SRPK2: variants seen among roughly 807,000 people sequenced by gnomAD.
The protein encoded by SRPK2 is SRSF protein kinase 2.
In SRPK2, 21 loss-of-function variants were observed where a neutral mutation model predicts 90.8. The ratio of observed to expected loss-of-function variants is 0.23; its 90% CI spans 0.16 to 0.33. The LOEUF (loss-of-function observed/expected upper bound fraction) is 0.33, where lower values mean the gene tolerates loss of function less well. Among genes scored for constraint, SRPK2 ranks in the 10% least tolerant of loss-of-function variants. The pLI is 1.00. For synonymous variants in SRPK2, 288 were observed against 311.1 expected (o/e 0.93, Z 0.78); for missense variants, 620 against 869.0 (o/e 0.71, Z 3.60).
intron 2 of SRPK2, among the ~76,000 whole-genome samples, chr7:105,335,280 A>C (rs1157669421): frequency 6.6e-6 from 1 of 152,252 alleles, no homozygotes; most frequent in African/African-American, 2.4e-5. Context: ...CCACAAGATA[A>C]TAAAGCAAAC....
rs1297479832 is a variant in SRPK2, at chr7:105,350,247, T to A, written c.71+38401A>T. Among the ~76,000 whole-genome samples, 3 of 147,966 alleles carry A rather than the reference T, an allele frequency of 2.0e-5. 1 individual carries two copies. The highest frequency in any genetic ancestry group is 4.5e-5 in the Non-Finnish European group (3 of 66,710). ...CCCTGTTTTAGGTAATTCTCCAGCC[T>A]CAGCCACCCGAGTAGCTGGGATTAT... is the stretch of plus-strand genomic sequence containing the variant. On this transcript the variant is annotated intron_variant, in intron 2 of 15. Transcript: ENST00000393651.
downstream of SRPK2, among the ~76,000 whole-genome samples, chr7:105,114,909 T>C (rs1799541440): frequency 6.6e-6 from 1 of 152,236 alleles, no homozygotes; most frequent in African/African-American, 2.4e-5. Flanking sequence ...ATTTATGGTA[T>C]TTAGTAAAGA....
rs932652939 is a variant in SRPK2 at position 105,367,549 on chromosome 7, G to C, written c.71+21099C>G. On this transcript the variant is annotated intron_variant, in intron 2 of 15. Transcript: ENST00000393651. ...AAGAGCTGGGATTACTGGCATGAGT[G>C]ACCACACCTGGCCAGTTACAGGGCA... is the stretch of plus-strand genomic sequence containing the variant. Among the ~76,000 whole-genome samples, 14 of 152,008 alleles carry C rather than the reference G, an allele frequency of 9.2e-5. No individual in the cohort carries two copies. In the East Asian group the frequency reaches 2.7e-3, roughly 29 times the overall value.
chr7:105,167,566 A>T (rs753131619), intron 5 of SRPK2, 102 bp from the exon 6 acceptor site: 1 of 602,854 alleles, frequency 1.7e-6, no homozygotes, highest in Non-Finnish European at 2.7e-6. Flanking sequence ...ATTTTAAAAT[A>T]AAAAATTCAT....
At chr7:105,214,791 CA>C (rs1465217101) in intron 2 of SRPK2, among the ~76,000 whole-genome samples, 6 of 152,180 alleles carry the variant, frequency 3.9e-5, no homozygotes, top group Admixed American at 3.9e-4. Context: ...ACAGATTCAA[CA>C]AAATCCCTAT....
chr7:105,367,797 G>A (rs574823311), intron 2 of SRPK2, among the ~76,000 whole-genome samples: 26 of 152,092 alleles, frequency 1.7e-4, no homozygotes, highest in African/African-American at 6.3e-4. Context: ...AAACAGGCTA[G>A]CATCTACAAA....
rs146416317 is a variant in SRPK2 at position 105,247,890 on chromosome 7, G to C, written c.72-44105C>G. ...AACAATCTTTTTTTTTTTTTTTTGA[G>C]ACAGAGTTTCACTCTTGGTGCCCAG... On this transcript the variant is annotated intron_variant, in intron 2 of 15. Coordinates refer to ENST00000393651, the MANE Select transcript of SRPK2 (RefSeq NM_182692.3). Among the ~76,000 whole-genome samples the C allele has an allele frequency of 7.5e-3, 1,093 of 144,966 alleles. 40 individuals carry two copies. Among genetic ancestry groups the C allele is most frequent in the Admixed American group, 0.056 (806 of 14,496 alleles).
At chr7:105,372,277 G>A (rs945470731) in intron 2 of SRPK2, among the ~76,000 whole-genome samples, 6 of 151,672 alleles carry the variant, frequency 4.0e-5, no homozygotes, top group Non-Finnish European at 7.4e-5. Context: ...GAGTGGAAAA[G>A]CAGTATTTCT....
chr7:105,204,929 C>T, intron 2 of SRPK2: 1 of 350,008 alleles, frequency 2.9e-6, no homozygotes, highest in South Asian at 2.5e-5. Flanking sequence ...TTGCTCTCTG[C>T]CCAGTGGAAG....
chr7:105,214,812 A>G (rs946824572), intron 2 of SRPK2, among the ~76,000 whole-genome samples: 15 of 152,214 alleles, frequency 9.9e-5, no homozygotes, highest in Non-Finnish European at 2.1e-4. Context: ...TCAAAATCCC[A>G]GCCAGCTTCT....
intron 2 of SRPK2, among the ~76,000 whole-genome samples, chr7:105,219,638 A>C (rs1338846242): frequency 6.6e-6 from 1 of 152,202 alleles, no homozygotes; most frequent in African/African-American, 2.4e-5. Context: ...AGAGCTCCTT[A>C]CTTAGACATT....
intron 2 of SRPK2, among the ~76,000 whole-genome samples, chr7:105,360,844 T>C (rs1585883493): frequency 6.6e-6 from 1 of 152,074 alleles, no homozygotes; most frequent in African/African-American, 2.4e-5. Flanking sequence ...GTAAGAGCTA[T>C]TTATGACAAA....
chr7:105,323,212 A>G (rs969263643), intron 2 of SRPK2, among the ~76,000 whole-genome samples: 5 of 152,218 alleles, frequency 3.3e-5, no homozygotes, highest in African/African-American at 1.2e-4. Context: ...AAGTCCTACA[A>G]AAAGAAACAG....
intron 2 of SRPK2, among the ~76,000 whole-genome samples, chr7:105,284,030 T>C (rs1002513169): frequency 3.9e-5 from 6 of 152,138 alleles, no homozygotes; most frequent in Non-Finnish European, 7.4e-5. Flanking sequence ...ATGATTACAA[T>C]GCTGACAAGT....
chr7:105,389,375 G>A (rs1754093180), upstream of SRPK2: 1 of 1,262,116 alleles, frequency 7.9e-7, no homozygotes, highest in Non-Finnish European at 1.0e-6. Context: ...CCCCATGAGC[G>A]CCGCTTCCTC....
chr7:105,132,700 A>C lies in SRPK2; in HGVS notation c.1752+91T>G, dbSNP rs572994128. On this transcript the variant is annotated intron_variant, in intron 13 of 15. Transcript: ENST00000393651. ...ATGACCCTTACAGTCAGAAAAACTG[A>C]GGTCGCATGCCTCAGAGAGACTCAG... 1.8e-5 allele frequency: 18 copies of C among 1,017,216 alleles called. No homozygotes were observed. In the African/African-American group the frequency reaches 2.6e-4, roughly 15 times the overall value. The allele number at this position is 1,017,216 out of a possible 1,614,324, so 63.0% of individuals were successfully genotyped here.
chr7:105,157,423 G>A (rs981278403), intron 7 of SRPK2, among the ~76,000 whole-genome samples: 11 of 152,136 alleles, frequency 7.2e-5, no homozygotes, highest in Admixed American at 1.3e-4. Context: ...AGTACTACCC[G>A]GGAGAAAGAA....
chr7:105,184,306 T>C (rs976734014), intron 3 of SRPK2, among the ~76,000 whole-genome samples: 1 of 152,098 alleles, frequency 6.6e-6, no homozygotes, highest in African/African-American at 2.4e-5. Context: ...CTTTATTTCT[T>C]ACATACATAA....
At chr7:105,133,821 T>A (rs1802388522) in intron 11 of SRPK2, among the ~76,000 whole-genome samples, 1 of 152,150 alleles carries the variant, frequency 6.6e-6, no homozygotes. Flanking sequence ...ACATGAGCAG[T>A]CATTCTAAAT....
Sources: allele counts gnomAD v4.1 joint callset (sites outside exome capture counted in the v4.1 genomes callset), GRCh38; gene constraint gnomAD v4.1.1; transcripts MANE v1.5; gene names NCBI Gene and HGNC (gene_info 2026-07-23, HGNC 2026-07-21).